Variants in EPB41 observed in about 807,000 individuals in gnomAD.
The protein encoded by EPB41 is erythrocyte membrane protein band 4.1.
EPB41 carries 65 observed loss-of-function variants against 108.0 expected under a neutral mutation model. The ratio of observed to expected loss-of-function variants is 0.60; its 90% CI spans 0.49 to 0.74. The LOEUF (loss-of-function observed/expected upper bound fraction) is 0.74, where lower values mean the gene tolerates loss of function less well. Ranked by LOEUF, EPB41 falls within the 30% of genes least tolerant of loss-of-function variation. EPB41 has a pLI of 0.00. For missense variants in EPB41, 875 were observed against 1,037.0 expected, an observed-to-expected ratio of 0.84 and a Z score of 2.15; for synonymous variants, 336 against 358.9, an observed-to-expected ratio of 0.94 and a Z score of 0.72.
rs571203815 is a variant in EPB41, at chr1:29,114,974, C to G, written c.2497-725C>G. Among the ~76,000 whole-genome samples the G allele has an allele frequency of 1.8e-3, 270 of 152,232 alleles. 1 individual carries two copies. The highest frequency in any genetic ancestry group is 6.3e-3 in the African/African-American group (262 of 41,546). ...TTTTCTTGCACACTTCTTTACTTTC[C>G]TCTCCCGTCCTGAACTTGCCACTTA... On this transcript the variant is annotated intron_variant, in intron 19 of 20. Transcript: ENST00000343067.
At position 29,060,368 on chromosome 1, in the gene EPB41, A is replaced by C. The variant is rs1646299425; in HGVS notation, c.1945-54A>C. 4 of 1,575,202 alleles carry C rather than the reference A, an allele frequency of 2.5e-6. No homozygotes were observed. In the Admixed American group the frequency reaches 6.7e-5, roughly 26 times the overall value. ...CCAATTTTCAGTTTTTTCCCGCAAG[A>C]ACAACATTTTAATTTTTTATGCTTT... On this transcript the variant is annotated intron_variant, in intron 14 of 20. Coordinates refer to ENST00000343067, the MANE Select transcript of EPB41 (RefSeq NM_001376013.1).
intron 1 of EPB41, among the ~76,000 whole-genome samples, chr1:28,939,824 A>T (rs2094202238): frequency 6.6e-6 from 1 of 152,208 alleles, no homozygotes. Flanking sequence ...ATTGCTACAC[A>T]ATCACCTCAA....
intron 11 of EPB41, among the ~76,000 whole-genome samples, chr1:29,049,608 A>T (rs1262489865): frequency 6.6e-6 from 1 of 152,166 alleles, no homozygotes; most frequent in Non-Finnish European, 1.5e-5. Context: ...GAACCACCCT[A>T]CCGCATACTA....
In EPB41 at chr1:29,118,032, G is replaced by C. The variant is rs569716; in HGVS notation, c.*1220G>C. ...GGCTTGATTTTGTGGTGGGTTTGGGGCTTAGTTTTCCTTTTTTTCATTTTG... is the reference window on the plus strand; with the variant it reads ...GGCTTGATTTTGTGGTGGGTTTGGGCCTTAGTTTTCCTTTTTTTCATTTTG... On this transcript the variant is annotated 3_prime_UTR_variant, in exon 21 of 21. Coordinates refer to ENST00000343067, the MANE Select transcript of EPB41 (RefSeq NM_001376013.1). 4 of 152,192 alleles carry C rather than the reference G, an allele frequency of 2.6e-5. No homozygotes were observed. Among genetic ancestry groups the C allele is most frequent in the African/African-American group, 9.7e-5 (4 of 41,396 alleles). The allele number at this position is 152,192 out of a possible 1,614,324, so 9.4% of individuals were successfully genotyped here. A position where few individuals can be genotyped will look rare whatever the true frequency, so the allele number is the denominator to read the frequency against.
At chr1:29,061,735 A>G (rs1277224414) in intron 15 of EPB41, among the ~76,000 whole-genome samples, 3 of 151,776 alleles carry the variant, frequency 2.0e-5, no homozygotes, top group Non-Finnish European at 4.4e-5. Context: ...GCATGCCACA[A>G]TGCCCAGCTA....
upstream of EPB41, among the ~76,000 whole-genome samples, chr1:28,911,758 T>C (rs2092267024): frequency 6.6e-6 from 1 of 152,048 alleles, no homozygotes; most frequent in South Asian, 2.1e-4. Flanking sequence ...TAAGAACAGG[T>C]GTGGCCAGGC....
chr1:28,980,666 G>A (rs984558459), intron 1 of EPB41, among the ~76,000 whole-genome samples: 2 of 152,010 alleles, frequency 1.3e-5, no homozygotes, highest in Non-Finnish European at 2.9e-5. Flanking sequence ...GAAGTGAGCC[G>A]AGATTGTGCC....
rs2096602062 is a variant in EPB41, at chr1:29,018,252, G to A, written c.934G>A (p.Asp312Asn). The change falls in exon 7 of 21, where the codon GAC becomes AAC. Residue 312 changes from aspartate to asparagine, a missense_variant. Asp to Asn is a conservative substitution (Grantham distance 23, BLOSUM62 1). Around this residue, in one of 3 missense-constraint regions of EPB41, gnomAD observed 353 missense variants for 393.2 expected, o/e 0.90. Coordinates refer to ENST00000343067, the MANE Select transcript of EPB41 (RefSeq NM_001376013.1). This position sits in a 1 kb window ranked among gnomAD's most constrained non-coding sequence, Gnocchi z 4.4. ...TTATTTATGTCTTCAGCTTCGGCAGGACATAGTTGCAGGACGTCTGCCCTG... is the reference window on the plus strand; with the variant it reads ...TTATTTATGTCTTCAGCTTCGGCAGAACATAGTTGCAGGACGTCTGCCCTG... ...RYYLCLQLRQ[D>N]IVAGRLPCSF... 1.2e-6 allele frequency: 2 copies of A among 1,614,008 alleles called. No homozygotes were observed. Among genetic ancestry groups the A allele is most frequent in the Non-Finnish European group, 1.7e-6 (2 of 1,180,020 alleles).
At chr1:29,058,449 C>T (rs1317408710) in intron 12 of EPB41, 140 bp from the exon 13 acceptor site, 2 of 769,362 alleles carry the variant, frequency 2.6e-6, no homozygotes, top group Non-Finnish European at 4.5e-6. Context: ...CTGTAACACC[C>T]TCCATAAGAC....
At chr1:28,915,630 T>G (rs971706734) in intron 1 of EPB41, among the ~76,000 whole-genome samples, 1 of 152,118 alleles carries the variant, frequency 6.6e-6, no homozygotes, top group Non-Finnish European at 1.5e-5. Context: ...AACTGTACCC[T>G]GTACCCTGCC....
At chr1:29,016,342 A>ATTT (rs11362146) in intron 6 of EPB41, among the ~76,000 whole-genome samples, 72 of 135,778 alleles carry the variant, frequency 5.3e-4, no homozygotes, top group African/African-American at 1.4e-3. Flanking sequence ...CGCCCTGCTA[A>ATTT]TTTTTTTTTT....
chr1:29,099,226 G>A (rs982468765), intron 17 of EPB41, among the ~76,000 whole-genome samples: 2 of 145,932 alleles, frequency 1.4e-5, no homozygotes, highest in South Asian at 2.2e-4. Context: ...AGAATCTCTT[G>A]AACACAGGAG....
chr1:29,099,481 G>T (rs1263865489), intron 17 of EPB41, among the ~76,000 whole-genome samples: 2 of 151,992 alleles, frequency 1.3e-5, no homozygotes, highest in African/African-American at 2.4e-5. Context: ...ATGCACAGCT[G>T]CACCTCGCTA....
At chr1:29,039,681 G>A (rs558984331) in intron 11 of EPB41, among the ~76,000 whole-genome samples, 1 of 152,206 alleles carries the variant, frequency 6.6e-6, no homozygotes, top group African/African-American at 2.4e-5. Context: ...GGGCGTGGCG[G>A]CATATGCCTG....
chr1:28,964,374 G>A (rs1488040162), intron 1 of EPB41, among the ~76,000 whole-genome samples: 6 of 152,098 alleles, frequency 3.9e-5, no homozygotes, highest in African/African-American at 1.2e-4. Context: ...CCTGGGAGGC[G>A]GAGGTTGCAG....
intron 15 of EPB41, 146 bp from the exon 16 acceptor site, chr1:29,064,836 A>G (rs1037781120): frequency 3.0e-6 from 3 of 1,004,128 alleles, no homozygotes; most frequent in East Asian, 2.6e-5. Context: ...ACCATGTTGT[A>G]TATTTATAAT....
chr1:29,114,180 CAG>C (rs1670119412), intron 19 of EPB41, among the ~76,000 whole-genome samples: 1 of 152,146 alleles, frequency 6.6e-6, no homozygotes, highest in Non-Finnish European at 1.5e-5. Flanking sequence ...CCTGCAAATT[CAG>C]AGACTGCAGC....
At chr1:29,047,580 A>T (rs546264505) in intron 11 of EPB41, among the ~76,000 whole-genome samples, 1 of 151,870 alleles carries the variant, frequency 6.6e-6, no homozygotes, top group South Asian at 2.1e-4. Flanking sequence ...GGAAATGTGC[A>T]TTTTATCTAA....
chr1:29,117,806 A>G lies in EPB41; in HGVS notation c.*994A>G, dbSNP rs1283677581. 1 of 152,596 alleles carries G rather than the reference A, an allele frequency of 6.6e-6. No individual in the cohort carries two copies. Among genetic ancestry groups the G allele is most frequent in the Non-Finnish European group, 1.5e-5 (1 of 68,048 alleles). 9.5% of individuals were successfully genotyped at this position (152,596 alleles called of 1,614,324 possible). A position where few individuals can be genotyped will look rare whatever the true frequency, so the allele number is the denominator to read the frequency against. On this transcript the variant is annotated 3_prime_UTR_variant, in exon 21 of 21. Coordinates refer to ENST00000343067, the MANE Select transcript of EPB41 (RefSeq NM_001376013.1). ...GATCCTGGGCCTTTCTTTCATCCCAAATGACAAGGAATGTGGCTCAGAGAA... is the reference window on the plus strand; with the variant it reads ...GATCCTGGGCCTTTCTTTCATCCCAGATGACAAGGAATGTGGCTCAGAGAA...
Sources: gnomAD v4.1 joint callset for allele counts (sites outside exome capture counted in the v4.1 genomes callset) on GRCh38, gnomAD v4.1.1 for gene constraint, gnomAD v4.1.1 regional missense constraint, Gnocchi (gnomAD v3.1) non-coding constraint, MANE v1.5 for transcripts, NCBI Gene and HGNC (gene_info 2026-07-23, HGNC 2026-07-21) for gene names.